Variants in SLAMF9 observed in about 807,000 individuals in gnomAD.
SLAMF9 encodes SLAM family member 9, also known as CD2 family member 10.
Under a neutral mutation model 30.4 loss-of-function variants are expected in SLAMF9, and 25 were observed. The ratio of observed to expected loss-of-function variants is 0.82; its 90% confidence interval spans 0.60 to 1.15. The LOEUF (loss-of-function observed/expected upper bound fraction) is 1.15, where lower values mean the gene tolerates loss of function less well. Ranked by LOEUF, SLAMF9 falls within the 50% of genes most tolerant of loss-of-function variation. SLAMF9 has a pLI of 0.00. For missense variants in SLAMF9, 344 were observed against 346.1 expected (o/e 0.99, Z 0.05); for synonymous variants, 129 against 127.2 (o/e 1.01, Z -0.09).
chr1:159,951,726 TCATC>T lies in SLAMF9; in HGVS notation c.801_804del (p.Met268ArgfsTer4). 1 of 1,614,206 alleles carries T rather than the reference TCATC, an allele frequency of 6.2e-7. No homozygotes were observed. The highest frequency in any genetic ancestry group is 8.5e-7 in the Non-Finnish European group (1 of 1,180,038). The stretch of plus-strand genomic sequence containing the variant: ...TTCATTCTGTTTCTCATGAGTTTCT[TCATC>T]CTTGGCATTTTGTGTCTTTTCTGGA... On this transcript the variant is annotated frameshift_variant, in exon 4 of 4. Transcript: ENST00000368093. LOFTEE classifies it high-confidence loss of function.
chr1:159,966,893 T>A, the SLAMF9 span, among the ~76,000 whole-genome samples: 4 of 151,638 alleles, frequency 2.6e-5, no homozygotes, highest in Non-Finnish European at 4.4e-5. Context: ...TTTGAAAATA[T>A]TTTTTCCCAT....
At chr1:159,971,905 G>T in the SLAMF9 span, among the ~76,000 whole-genome samples, 416 of 152,162 alleles carry the variant, frequency 2.7e-3, 1 homozygote, top group Admixed American at 6.2e-3. Context: ...GAACTCAGAG[G>T]CCTGTGATTG....
At chr1:159,975,328 C>G in the SLAMF9 span, among the ~76,000 whole-genome samples, 1 of 152,066 alleles carries the variant, frequency 6.6e-6, no homozygotes, top group Non-Finnish European at 1.5e-5. Flanking sequence ...GGAGGAGACC[C>G]AAAGAGGTGA....
At chr1:159,971,601 G>C in the SLAMF9 span, among the ~76,000 whole-genome samples, 1 of 152,144 alleles carries the variant, frequency 6.6e-6, no homozygotes, top group Non-Finnish European at 1.5e-5. Context: ...GAGGTGAAGA[G>C]AGATATCACA....
In SLAMF9 at chr1:159,954,081, G is replaced by T. The variant is rs1167728926; in HGVS notation, c.46+11C>A. On this transcript the variant is annotated intron_variant, in intron 1 of 3. Coordinates refer to ENST00000368093, the MANE Select transcript of SLAMF9 (RefSeq NM_033438.4). ...GGACATTCCTGTGCACGAGCTGGCA[G>T]CTTCACTCACCCTCCTGGAGCAGCA... is the stretch of plus-strand genomic sequence containing the variant. 6.2e-7 allele frequency: 1 copy of T among 1,613,928 alleles called. No homozygotes were observed. The highest frequency in any genetic ancestry group is 8.5e-7 in the Non-Finnish European group (1 of 1,179,968).
At chr1:159,969,608 T>G in the SLAMF9 span, among the ~76,000 whole-genome samples, 1 of 152,320 alleles carries the variant, frequency 6.6e-6, no homozygotes, top group Non-Finnish European at 1.5e-5. Flanking sequence ...GTGTAATTCC[T>G]GGACTTTCAT....
chr1:159,974,983 G>A, the SLAMF9 span, among the ~76,000 whole-genome samples: 2 of 152,118 alleles, frequency 1.3e-5, no homozygotes, highest in Non-Finnish European at 2.9e-5. Context: ...GTTCAAACCT[G>A]GTTTCTCTAT....
chr1:159,981,465 C>T, the SLAMF9 span, among the ~76,000 whole-genome samples: 1 of 152,338 alleles, frequency 6.6e-6, no homozygotes, highest in South Asian at 2.1e-4. Flanking sequence ...CGGAGGACAA[C>T]TTCTGGCCCC....
the SLAMF9 span, among the ~76,000 whole-genome samples, chr1:159,959,380 C>T: frequency 6.6e-6 from 1 of 152,074 alleles, no homozygotes; most frequent in Non-Finnish European, 1.5e-5. Context: ...TCTGGCCACA[C>T]ATCTCATCTC....
At chr1:159,967,641 G>T in the SLAMF9 span, among the ~76,000 whole-genome samples, 2 of 152,224 alleles carry the variant, frequency 1.3e-5, no homozygotes, top group African/African-American at 4.8e-5. Context: ...GCGAAGAGTG[G>T]CATTGGAATT....
the SLAMF9 span, among the ~76,000 whole-genome samples, chr1:159,971,194 C>T: frequency 6.6e-6 from 1 of 152,204 alleles, no homozygotes; most frequent in Non-Finnish European, 1.5e-5. Context: ...TCATAAATCA[C>T]ACTGTTGAAC....
At chr1:159,953,162 T>C (rs1651818400) in intron 2 of SLAMF9, 147 bp downstream of exon 2, 1 of 674,324 alleles carries the variant, frequency 1.5e-6, no homozygotes. Context: ...TTGGGCACAC[T>C]CAATCACAGT....
chr1:159,968,495 A>G, the SLAMF9 span, among the ~76,000 whole-genome samples: 1 of 152,194 alleles, frequency 6.6e-6, no homozygotes, highest in African/African-American at 2.4e-5. Context: ...TTCCCTATCA[A>G]GTTCCCCAAA....
the SLAMF9 span, among the ~76,000 whole-genome samples, chr1:159,966,347 T>A: frequency 1.3e-5 from 2 of 152,220 alleles, no homozygotes; most frequent in Non-Finnish European, 2.9e-5. Context: ...TCTTTATCTA[T>A]TTATCCACTG....
intron 2 of SLAMF9, 126 bp from the exon 3 acceptor site, chr1:159,952,660 C>T: frequency 2.0e-6 from 2 of 981,606 alleles, no homozygotes; most frequent in Non-Finnish European, 3.0e-6. Flanking sequence ...AACAAATAGG[C>T]AAAAGCAAAC....
chr1:159,976,972 A>AT, the SLAMF9 span: 1 of 35,518 alleles, frequency 2.8e-5, no homozygotes, highest in Non-Finnish European at 8.0e-5. Flanking sequence ...GAAAGAAAGA[A>AT]GGAAAGAAGG....
the SLAMF9 span, among the ~76,000 whole-genome samples, chr1:159,971,509 G>C: frequency 6.6e-6 from 1 of 152,178 alleles, no homozygotes; most frequent in Non-Finnish European, 1.5e-5. Context: ...GGGACCCTCT[G>C]TGCTCATAGC....
At chr1:159,976,068 G>A in the SLAMF9 span, among the ~76,000 whole-genome samples, 1 of 146,130 alleles carries the variant, frequency 6.8e-6, no homozygotes, top group South Asian at 2.3e-4. Context: ...CAGAACTCAA[G>A]GAAGGAGTAT....
the SLAMF9 span, chr1:159,973,188 G>T: frequency 6.7e-7 from 1 of 1,499,456 alleles, no homozygotes; most frequent in Admixed American, 1.7e-5. Context: ...TGACCTCAGG[G>T]GGTGCAGCTT....
Sources: allele counts gnomAD v4.1 joint callset (sites outside exome capture counted in the v4.1 genomes callset), GRCh38; gene constraint gnomAD v4.1.1; transcripts MANE v1.5; gene names NCBI Gene and HGNC (gene_info 2026-07-23, HGNC 2026-07-21).